GABRB1: variants seen among roughly 807,000 people sequenced by gnomAD.
GABRB1 encodes gamma-aminobutyric acid receptor subunit beta-1.
Under a neutral mutation model 51.6 loss-of-function variants are expected in GABRB1, and 17 were observed. The observed-to-expected ratio is 0.33, with a 90% CI of 0.23 to 0.49. The LOEUF is 0.49. Ranked by LOEUF, GABRB1 falls within the 20% of genes least tolerant of loss-of-function variation. GABRB1 has a pLI of 0.99. For synonymous variants in GABRB1, 247 were observed against 218.9 expected (o/e 1.13, Z -1.14); for missense variants, 410 against 600.6 (o/e 0.68, Z 3.32).
At chr4:47,044,229 A>T (rs781153312) in intron 3 of GABRB1, among the ~76,000 whole-genome samples, 4 of 152,072 alleles carry the variant, frequency 2.6e-5, no homozygotes, top group African/African-American at 4.8e-5. Context: ...ACGAGGCAAG[A>T]TGACGTTAAT....
intron 4 of GABRB1, among the ~76,000 whole-genome samples, chr4:47,237,781 A>G (rs997453802): frequency 3.9e-5 from 6 of 152,008 alleles, no homozygotes; most frequent in Non-Finnish European, 7.4e-5. Context: ...TTAATTTTAC[A>G]AAATGCTTTA....
chr4:47,106,140 T>G, intron 3 of GABRB1, among the ~76,000 whole-genome samples: 1 of 152,090 alleles, frequency 6.6e-6, no homozygotes, highest in Non-Finnish European at 1.5e-5. Context: ...CTTTTTATCT[T>G]TTTACGTAAA....
chr4:47,135,415 A>C (rs558482365), intron 3 of GABRB1, among the ~76,000 whole-genome samples: 1 of 152,266 alleles, frequency 6.6e-6, no homozygotes, highest in East Asian at 1.9e-4. Flanking sequence ...AGCAGAGACA[A>C]AAAGAAGGCA....
At chr4:47,034,773 G>C (rs1725479675) in intron 3 of GABRB1, among the ~76,000 whole-genome samples, 1 of 152,102 alleles carries the variant, frequency 6.6e-6, no homozygotes, top group Non-Finnish European at 1.5e-5. Context: ...TGAGGGTTCT[G>C]TATAAACACA....
At position 47,142,692 on chromosome 4, in the gene GABRB1, G is replaced by A. The variant is rs1233203061; in HGVS notation, c.241-18557G>A. On this transcript the variant is annotated intron_variant, in intron 3 of 8. Transcript: ENST00000295454. ...TAACTAAGATCAGTAAGAGTGAGGG[G>A]GATACATCTGAATTGAATTTAGAAG... Among the ~76,000 whole-genome samples, 4 of 151,860 alleles carry A rather than the reference G, an allele frequency of 2.6e-5. No individual in the cohort carries two copies. In the East Asian group the frequency reaches 7.8e-4, roughly 29 times the overall value.
At chr4:47,313,987 T>C (rs2109956084) in intron 4 of GABRB1, among the ~76,000 whole-genome samples, 1 of 152,204 alleles carries the variant, frequency 6.6e-6, no homozygotes, top group Non-Finnish European at 1.5e-5. Flanking sequence ...ACGGAAGTTG[T>C]TTCAGTACTT....
At chr4:47,077,921 T>A (rs1001041609) in intron 3 of GABRB1, among the ~76,000 whole-genome samples, 7 of 132,128 alleles carry the variant, frequency 5.3e-5, no homozygotes, top group African/African-American at 2.0e-4. Context: ...TATTATATAT[T>A]TTATATATAT....
At chr4:47,260,326 A>T (rs1236674952) in intron 4 of GABRB1, among the ~76,000 whole-genome samples, 1 of 152,104 alleles carries the variant, frequency 6.6e-6, no homozygotes, top group Non-Finnish European at 1.5e-5. Flanking sequence ...GTCCATTTAC[A>T]TTTAAAGTTA....
chr4:47,328,610 C>A (rs549769888), intron 5 of GABRB1, among the ~76,000 whole-genome samples: 1 of 152,252 alleles, frequency 6.6e-6, no homozygotes, highest in East Asian at 1.9e-4. Flanking sequence ...AGTTCATATC[C>A]TTTGTAGGGA....
chr4:47,216,145 T>G (rs1560589130), intron 4 of GABRB1, among the ~76,000 whole-genome samples: 1 of 152,006 alleles, frequency 6.6e-6, no homozygotes, highest in Non-Finnish European at 1.5e-5. Flanking sequence ...ACGTGTCAGA[T>G]TTCATGAGAA....
At chr4:47,064,904 A>T (rs1248053129) in intron 3 of GABRB1, among the ~76,000 whole-genome samples, 1 of 152,170 alleles carries the variant, frequency 6.6e-6, no homozygotes, top group Non-Finnish European at 1.5e-5. Flanking sequence ...AGCCAATAGG[A>T]TTAAGGTACT....
At chr4:47,373,189 C>A (rs1295215558) in intron 5 of GABRB1, among the ~76,000 whole-genome samples, 2 of 152,220 alleles carry the variant, frequency 1.3e-5, no homozygotes, top group Admixed American at 1.3e-4. Flanking sequence ...TCCATTTTGA[C>A]AACCTATACC....
intron 1 of GABRB1, among the ~76,000 whole-genome samples, chr4:47,012,259 TCA>T (rs1724603345): frequency 6.6e-6 from 1 of 152,226 alleles, no homozygotes; most frequent in Non-Finnish European, 1.5e-5. Context: ...TAAACATGCA[TCA>T]TGGGGGTTTG....
At chr4:47,108,814 T>C (rs961507095) in intron 3 of GABRB1, among the ~76,000 whole-genome samples, 9 of 152,054 alleles carry the variant, frequency 5.9e-5, no homozygotes, top group Admixed American at 5.2e-4. Context: ...GAATTCCTAA[T>C]TGTCAGGACA....
At chr4:47,221,856 A>G (rs1163815940) in intron 4 of GABRB1, among the ~76,000 whole-genome samples, 3 of 151,986 alleles carry the variant, frequency 2.0e-5, no homozygotes, top group Non-Finnish European at 2.9e-5. Flanking sequence ...CTTAATATCT[A>G]TTGTTGATTC....
chr4:47,167,954 G>A (rs1021339871), intron 4 of GABRB1, among the ~76,000 whole-genome samples: 3 of 152,074 alleles, frequency 2.0e-5, no homozygotes, highest in African/African-American at 7.2e-5. Context: ...AACACAAAAT[G>A]GACTAAGATG....
At chr4:47,369,310 C>T (rs1039642960) in intron 5 of GABRB1, among the ~76,000 whole-genome samples, 4 of 152,048 alleles carry the variant, frequency 2.6e-5, no homozygotes, top group African/African-American at 9.7e-5. Context: ...AAATCACAGT[C>T]CCGAGCTTCA....
chr4:47,413,224 A>C (rs1372734330), intron 8 of GABRB1, among the ~76,000 whole-genome samples: 1 of 152,180 alleles, frequency 6.6e-6, no homozygotes, highest in Non-Finnish European at 1.5e-5. Flanking sequence ...TGCCCTTACT[A>C]TCTGTCTAAA....
chr4:47,199,433 T>C (rs1719813967), intron 4 of GABRB1, among the ~76,000 whole-genome samples: 3 of 152,162 alleles, frequency 2.0e-5, no homozygotes, highest in Admixed American at 2.0e-4. Context: ...GGAATAAAGA[T>C]GGGATTTTTC....
Sources: allele counts gnomAD v4.1 joint callset (sites outside exome capture counted in the v4.1 genomes callset), GRCh38; gene constraint gnomAD v4.1.1; transcripts MANE v1.5; gene names NCBI Gene and HGNC (gene_info 2026-07-23, HGNC 2026-07-21).